NREP: variants seen among roughly 807,000 people sequenced by gnomAD.
NREP encodes neuronal regeneration-related protein.
Under a neutral mutation model 8.6 loss-of-function variants are expected in NREP, and 5 were observed. The ratio of observed to expected loss-of-function variants is 0.58; its 90% CI spans 0.30 to 1.22. NREP has a LOEUF of 1.22. Among genes scored for constraint, NREP ranks in the 50% most tolerant of loss-of-function variants. NREP has a pLI of 0.07. For synonymous variants in NREP, 27 were observed against 28.0 expected, an observed-to-expected ratio of 0.96 and a Z score of 0.11; for missense variants, 86 against 82.5, an observed-to-expected ratio of 1.04 and a Z score of -0.17.
intron 2 of NREP, among the ~76,000 whole-genome samples, chr5:111,863,794 G>A (rs1753604474): frequency 6.6e-6 from 1 of 152,146 alleles, no homozygotes. Flanking sequence ...CACATGGCCA[G>A]TAAATTAATG....
At chr5:111,908,845 C>G (rs1229003420) in intron 2 of NREP, among the ~76,000 whole-genome samples, 11 of 151,768 alleles carry the variant, frequency 7.2e-5, no homozygotes, top group Admixed American at 7.2e-4. Flanking sequence ...TTTGAGAAAT[C>G]TCCATACTGC....
chr5:111,947,110 A>G (rs1756009106), intron 2 of NREP, among the ~76,000 whole-genome samples: 3 of 152,056 alleles, frequency 2.0e-5, no homozygotes, highest in African/African-American at 7.2e-5. Context: ...ACATTTTAAA[A>G]GGTATAAATT....
intron 2 of NREP, among the ~76,000 whole-genome samples, chr5:111,863,528 G>GA (rs1753598487): frequency 6.6e-6 from 1 of 151,992 alleles, no homozygotes; most frequent in Non-Finnish European, 1.5e-5. Context: ...ATAAATAAGA[G>GA]AAAAGCAGGT....
chr5:111,874,007 A>G (rs1472785330), intron 2 of NREP, among the ~76,000 whole-genome samples: 1 of 145,936 alleles, frequency 6.9e-6, no homozygotes, highest in South Asian at 2.4e-4. Flanking sequence ...CCTCACTGTT[A>G]GGGTGAGTGA....
intron 2 of NREP, among the ~76,000 whole-genome samples, chr5:111,808,669 A>C (rs752639265): frequency 2.6e-5 from 4 of 152,122 alleles, no homozygotes; most frequent in Non-Finnish European, 4.4e-5. Flanking sequence ...ATAGGACTCA[A>C]TTTCGATAAT....
At chr5:111,850,454 CA>C (rs1369628061) in intron 2 of NREP, among the ~76,000 whole-genome samples, 1 of 152,132 alleles carries the variant, frequency 6.6e-6, no homozygotes, top group African/African-American at 2.4e-5. Context: ...ATATCCCAAA[CA>C]AAGCTTGTCA....
chr5:111,818,881 G>A (rs1488925136), intron 2 of NREP, among the ~76,000 whole-genome samples: 1 of 152,056 alleles, frequency 6.6e-6, no homozygotes, highest in African/African-American at 2.4e-5. Context: ...AATGGAAAAA[G>A]GTAACAAAAG....
rs993904400 is a variant in NREP, at chr5:111,778,084, T to C, written c.136-42577A>G. ...ATACCTGGTGGCAGAAATCATAGGATTTAGTACAGAACAATTTAATGCATA... is the reference window on the plus strand; with the variant it reads ...ATACCTGGTGGCAGAAATCATAGGACTTAGTACAGAACAATTTAATGCATA... On this transcript the variant is annotated intron_variant, in intron 2 of 3. Transcript: ENST00000395634. Among the ~76,000 whole-genome samples the C allele has an allele frequency of 3.5e-4, 53 of 152,058 alleles. 1 individual carries two copies. Among genetic ancestry groups the C allele is most frequent in the Non-Finnish European group, 2.9e-5 (2 of 68,002 alleles).
chr5:111,967,332 G>A (rs1218999987), intron 2 of NREP, among the ~76,000 whole-genome samples: 3 of 152,030 alleles, frequency 2.0e-5, no homozygotes, highest in African/African-American at 7.3e-5. Context: ...TAATCAAAAT[G>A]TAAAAACTCC....
Position 111,756,143 on chromosome 5 carries a change from T to C in NREP, c.-58-313A>G, listed in dbSNP as rs1750688715. On this transcript the variant is annotated intron_variant, in intron 1 of 3. Transcript: ENST00000257435. ...AGTAGAACCAAGTGATAAAAATAGATTGTTTTCTGGCTGCTCTTTGTTCCC... is the reference window on the plus strand; with the variant it reads ...AGTAGAACCAAGTGATAAAAATAGACTGTTTTCTGGCTGCTCTTTGTTCCC... The C allele has an allele frequency of 3.7e-6, 4 of 1,071,252 alleles. No homozygotes were observed. In the South Asian group the frequency reaches 9.9e-5, roughly 27 times the overall value. The allele number at this position is 1,071,252 out of a possible 1,614,324, so 66.4% of individuals were successfully genotyped here.
intron 2 of NREP, among the ~76,000 whole-genome samples, chr5:111,754,644 GTCTT>G (rs1364517815): frequency 6.6e-6 from 1 of 152,136 alleles, no homozygotes; most frequent in African/African-American, 2.4e-5. Context: ...CACTTCTTTT[GTCTT>G]TCTACCTCAA....
intron 2 of NREP, among the ~76,000 whole-genome samples, chr5:111,939,075 A>C (rs1277812263): frequency 6.6e-6 from 1 of 151,944 alleles, no homozygotes; most frequent in Non-Finnish European, 1.5e-5. Context: ...GCTGTTAATC[A>C]TGCCTAGAAA....
At chr5:111,869,157 A>G (rs1223740296) in intron 2 of NREP, among the ~76,000 whole-genome samples, 1 of 152,190 alleles carries the variant, frequency 6.6e-6, no homozygotes, top group Non-Finnish European at 1.5e-5. Context: ...GCAAGTGCTT[A>G]TGTCTCATAC....
At chr5:111,893,873 T>C (rs991998091) in intron 2 of NREP, among the ~76,000 whole-genome samples, 19 of 151,778 alleles carry the variant, frequency 1.3e-4, no homozygotes, top group African/African-American at 4.6e-4. Flanking sequence ...AAAAATACAA[T>C]GATGTTAAAC....
chr5:111,965,876 G>A (rs548274185), intron 2 of NREP, among the ~76,000 whole-genome samples: 1 of 152,044 alleles, frequency 6.6e-6, no homozygotes, highest in Non-Finnish European at 1.5e-5. Context: ...CTCCTAAGTA[G>A]GACCAGTTAT....
chr5:111,935,442 C>T (rs1306140635), intron 2 of NREP, among the ~76,000 whole-genome samples: 1 of 151,964 alleles, frequency 6.6e-6, no homozygotes, highest in Admixed American at 6.6e-5. Flanking sequence ...GGAGGATGTA[C>T]CCCTGCAGGG....
chr5:111,822,851 T>C (rs2112926009), intron 2 of NREP, among the ~76,000 whole-genome samples: 1 of 152,224 alleles, frequency 6.6e-6, no homozygotes, highest in South Asian at 2.1e-4. Context: ...CAGAAAAGTA[T>C]AAATGAAAAA....
At chr5:111,831,412 T>G (rs747795075) in intron 2 of NREP, among the ~76,000 whole-genome samples, 1 of 152,122 alleles carries the variant, frequency 6.6e-6, no homozygotes, top group Non-Finnish European at 1.5e-5. Context: ...TTTTAGTCGA[T>G]CTGGAGTCTG....
At position 111,729,525 on chromosome 5, in the gene NREP, G is replaced by GT. The variant is rs1347466160; in HGVS notation, c.*1395dup. 3 of 152,648 alleles carry GT rather than the reference G, an allele frequency of 2.0e-5. No individual in the cohort carries two copies. The highest frequency in any genetic ancestry group is 7.2e-5 in the African/African-American group (3 of 41,440). The allele number at this position is 152,648 out of a possible 1,614,324, so 9.5% of individuals were successfully genotyped here. A position where few individuals can be genotyped will look rare whatever the true frequency, so the allele number is the denominator to read the frequency against. On this transcript the variant is annotated 3_prime_UTR_variant, in exon 4 of 4. Coordinates refer to ENST00000257435, the MANE Select transcript of NREP (RefSeq NM_004772.4). ...CTATTCTAACGAAGGAGGGAGAGGA[G>GT]TAATGCACAAGAAACTCAGGCCAAT... is the stretch of plus-strand genomic sequence containing the variant.
Sources: allele counts gnomAD v4.1 joint callset (sites outside exome capture counted in the v4.1 genomes callset), GRCh38; gene constraint gnomAD v4.1.1; transcripts MANE v1.5; gene names NCBI Gene and HGNC (gene_info 2026-07-23, HGNC 2026-07-21).